The following UST variants were observed in gnomAD, a reference collection of about 807,000 sequenced individuals.
UST encodes the protein chondroitin sulfate 2-O-sulfotransferase.
Under a neutral mutation model 45.6 loss-of-function variants are expected in UST, and 21 were observed. The observed-to-expected ratio is 0.46, with a 90% CI of 0.33 to 0.66. The LOEUF is 0.66. UST is among the 30% of genes least tolerant of loss of function. The pLI is 0.02. For synonymous variants in UST, 215 were observed against 200.6 expected (o/e 1.07, Z -0.61); for missense variants, 463 against 512.4 (o/e 0.90, Z 0.93).
intron 2 of UST, among the ~76,000 whole-genome samples, chr6:148,931,955 C>G (rs759573316): frequency 6.6e-6 from 1 of 152,222 alleles, no homozygotes; most frequent in Non-Finnish European, 1.5e-5. Context: ...GGTTTAGCCT[C>G]GCAAACTTGC....
chr6:148,991,075 C>T (rs1242219428), intron 5 of UST, among the ~76,000 whole-genome samples: 2 of 151,970 alleles, frequency 1.3e-5, no homozygotes, highest in African/African-American at 2.4e-5. Context: ...AGGTGGTGAC[C>T]GAAAGCTAAG....
In UST at chr6:148,902,952, G is replaced by A. The variant is rs1349477384; in HGVS notation, c.291+15923G>A. Among the ~76,000 whole-genome samples, 3 of 151,854 alleles carry A rather than the reference G, an allele frequency of 2.0e-5. No homozygotes were observed. In the East Asian group the frequency reaches 5.8e-4, roughly 29 times the overall value. ...ATTATAACATTCTTTGGTTCCATAC[G>A]GGGTCTTTACATTTCACACTAAAGG... On this transcript the variant is annotated intron_variant, in intron 2 of 7. Transcript: ENST00000367463.
chr6:148,809,314 G>GTT (rs1481303419), intron 1 of UST, among the ~76,000 whole-genome samples: 1 of 143,540 alleles, frequency 7.0e-6, no homozygotes. Flanking sequence ...TAAAACCTTA[G>GTT]TTTTTTGTTT....
chr6:149,027,584 TC>T (rs1438422552), intron 7 of UST: 2 of 152,212 alleles, frequency 1.3e-5, no homozygotes, highest in Non-Finnish European at 2.9e-5. Flanking sequence ...TTAGTAATCC[TC>T]AAGTTTAGTT....
intron 1 of UST, among the ~76,000 whole-genome samples, chr6:148,875,467 G>A (rs1778630572): frequency 6.6e-6 from 1 of 152,066 alleles, no homozygotes; most frequent in African/African-American, 2.4e-5. Flanking sequence ...CCTGACCTCA[G>A]GATTCCTTTT....
intron 2 of UST, among the ~76,000 whole-genome samples, chr6:148,893,787 G>A (rs1050582096): frequency 3.3e-5 from 5 of 152,188 alleles, no homozygotes; most frequent in Non-Finnish European, 5.9e-5. Flanking sequence ...GGAGAATGCA[G>A]GAAGCTCAAC....
intron 5 of UST, among the ~76,000 whole-genome samples, chr6:149,002,941 T>A (rs1432380708): frequency 6.6e-6 from 1 of 152,210 alleles, no homozygotes; most frequent in Non-Finnish European, 1.5e-5. Flanking sequence ...GGAAAATCAA[T>A]CCAGTTATTC....
At chr6:149,006,070 A>G (rs1404998296) in intron 5 of UST, among the ~76,000 whole-genome samples, 1 of 152,192 alleles carries the variant, frequency 6.6e-6, no homozygotes, top group African/African-American at 2.4e-5. Flanking sequence ...TCTTGCACTC[A>G]TCCTATACCA....
At chr6:148,923,562 A>G (rs1026625803) in intron 2 of UST, among the ~76,000 whole-genome samples, 41 of 152,348 alleles carry the variant, frequency 2.7e-4, no homozygotes, top group African/African-American at 8.2e-4. Context: ...TCAGGGATAT[A>G]AGCAAAATGC....
intron 7 of UST, among the ~76,000 whole-genome samples, chr6:149,031,670 A>G (rs1243224668): frequency 6.6e-6 from 1 of 152,230 alleles, no homozygotes; most frequent in Non-Finnish European, 1.5e-5. Context: ...TAACTTTACA[A>G]AAATATTTCT....
At chr6:149,034,835 TCTCTCTCTCTCTCTCTCTCTC>T (rs1776207054) in intron 7 of UST, among the ~76,000 whole-genome samples, 2 of 1,852 alleles carry the variant, frequency 1.1e-3, no homozygotes, top group Non-Finnish European at 2.2e-3. Context: ...TCATGCTCAT[TCTCTCTCTCTCTCTCTCTCTC>T]TCTCTCTCTC....
At chr6:148,783,571 C>A (rs1158556322) in intron 1 of UST, among the ~76,000 whole-genome samples, 1 of 152,126 alleles carries the variant, frequency 6.6e-6, no homozygotes, top group Non-Finnish European at 1.5e-5. Flanking sequence ...GGCATATTTT[C>A]TTCTCACAGC....
At chr6:149,061,549 GTGTT>G (rs1282230915) in intron 7 of UST, among the ~76,000 whole-genome samples, 1 of 139,360 alleles carries the variant, frequency 7.2e-6, no homozygotes, top group East Asian at 2.0e-4. Context: ...AGTTAAGCTA[GTGTT>G]TGTTTGGCAG....
chr6:148,819,475 TTAGAGA>T (rs1292008846), intron 1 of UST, among the ~76,000 whole-genome samples: 1 of 152,234 alleles, frequency 6.6e-6, no homozygotes, highest in Admixed American at 6.5e-5. Flanking sequence ...ATCTATTGAC[TTAGAGA>T]TAGAAAGATA....
At chr6:148,767,423 C>T (rs1473544508) in intron 1 of UST, among the ~76,000 whole-genome samples, 1 of 152,070 alleles carries the variant, frequency 6.6e-6, no homozygotes, top group Non-Finnish European at 1.5e-5. Context: ...AGATTTTGAC[C>T]TAATGTCAAG....
intron 5 of UST, among the ~76,000 whole-genome samples, chr6:148,980,408 A>T (rs1275982711): frequency 6.6e-6 from 1 of 152,074 alleles, no homozygotes. Flanking sequence ...CAAATTCCAG[A>T]CATTCTCCCT....
chr6:148,770,182 G>A (rs555509009), intron 1 of UST, among the ~76,000 whole-genome samples: 4 of 151,746 alleles, frequency 2.6e-5, no homozygotes, highest in Admixed American at 2.0e-4. Flanking sequence ...CATCATCTTC[G>A]TGCAGACATT....
chr6:148,842,908 G>T (rs1036797935), intron 1 of UST, among the ~76,000 whole-genome samples: 1 of 152,050 alleles, frequency 6.6e-6, no homozygotes, highest in Non-Finnish European at 1.5e-5. Context: ...GTGTGGTTCT[G>T]GGAGCTAAAT....
chr6:148,962,395 A>G (rs1262827064), intron 4 of UST, among the ~76,000 whole-genome samples: 1 of 152,256 alleles, frequency 6.6e-6, no homozygotes, highest in Admixed American at 6.5e-5. Flanking sequence ...CATTCTTCAC[A>G]TGAACATAAA....
Sources: allele counts gnomAD v4.1 joint callset (sites outside exome capture counted in the v4.1 genomes callset), GRCh38; gene constraint gnomAD v4.1.1; transcripts MANE v1.5; gene names NCBI Gene and HGNC (gene_info 2026-07-23, HGNC 2026-07-21).